Variants in TNC observed in about 807,000 individuals in gnomAD.
TNC encodes the protein tenascin C.
In TNC, 109 loss-of-function variants were observed where a neutral mutation model predicts 202.4. The observed-to-expected ratio is 0.54, with a 90% CI of 0.46 to 0.63. TNC has a LOEUF of 0.63. Among genes scored for constraint, TNC ranks in the 30% least tolerant of loss-of-function variants. TNC has a pLI of 0.00. For missense variants in TNC, 2,756 were observed against 2,833.3 expected (o/e 0.97, Z 0.62); for synonymous variants, 1,007 against 1,089.7 (o/e 0.92, Z 1.50).
chr9:115,076,719 G>T (rs2133158712), intron 7 of TNC, 144 bp from the exon 8 acceptor site: 1 of 921,580 alleles, frequency 1.1e-6, no homozygotes. Context: ...TCCCCATAGT[G>T]GATGTGCAAA....
chr9:115,081,552 G>T (rs944511), intron 6 of TNC, among the ~76,000 whole-genome samples: 458 of 152,324 alleles, frequency 3.0e-3, no homozygotes, highest in Non-Finnish European at 5.3e-3. Flanking sequence ...ACAGATACAT[G>T]AGGAGTGCAG....
Position 115,046,569 on chromosome 9 carries a change from C to A in TNC, c.4966G>T (p.Asp1656Tyr). 1.9e-6 allele frequency: 3 copies of A among 1,614,068 alleles called. No homozygotes were observed. Among genetic ancestry groups the A allele is most frequent in the Non-Finnish European group, 2.5e-6 (3 of 1,179,986 alleles). Residue 1656 changes from aspartate to tyrosine, a missense_variant, in exon 17 of 28, where the codon GAT (aspartate) becomes TAT (tyrosine). Physicochemically the swap from Asp to Tyr is radical, Grantham distance 160. Transcript: ENST00000350763. ...AGTGGCTCAGACTGCTTTTTGGTATCTCTGATTTTGAGAACAAAATTGTCG... is the reference window on the plus strand; with the variant it reads ...AGTGGCTCAGACTGCTTTTTGGTATATCTGATTTTGAGAACAAAATTGTCG... ...VFDNFVLKIRDTKKQSEPLEI... is the reference protein window; with the variant it reads ...VFDNFVLKIRYTKKQSEPLEI...
chr9:115,053,297 A>C lies in TNC; in HGVS notation c.4579+3856T>G, dbSNP rs924632196. 1.3e-4 allele frequency among the ~76,000 whole-genome samples: 20 copies of C among 152,234 alleles called. 3 individuals carry two copies. The South Asian group carries it at 3.1e-3, about 24-fold the overall frequency. The stretch of plus-strand genomic sequence containing the variant: ...ACCATTTGCTAGTCATGTATGAAGA[A>C]GAGTAGACAAGCCATTAGAGTGGTA... On this transcript the variant is annotated intron_variant, in intron 15 of 27. Coordinates refer to ENST00000350763, the MANE Select transcript of TNC (RefSeq NM_002160.4).
At chr9:115,115,964 C>A (rs1837432164) in intron 1 of TNC, among the ~76,000 whole-genome samples, 2 of 152,298 alleles carry the variant, frequency 1.3e-5, no homozygotes, top group Middle Eastern at 3.4e-3. Context: ...GAATATTAAT[C>A]TTGGACAAGT....
Position 115,087,224 on chromosome 9 carries a change from A to G in TNC, c.507T>C (p.Thr169=). ...PFCSGRGNFS[T]EGCGCVCEPG... ...GTTCGCAGACACAGCCACATCCTTCAGTGCTGAAGTTGCCCCGACCGCTAC... is the reference window on the plus strand; with the variant it reads ...GTTCGCAGACACAGCCACATCCTTCGGTGCTGAAGTTGCCCCGACCGCTAC... The change falls in exon 3 of 28, where the codon ACT becomes ACC. Residue 169 remains threonine (T), a synonymous_variant. Transcript: ENST00000350763. 2 of 1,614,200 alleles carry G rather than the reference A, an allele frequency of 1.2e-6. No homozygotes were observed. The highest frequency in any genetic ancestry group is 2.2e-5 in the East Asian group (1 of 44,876).
At chr9:115,054,355 A>G (rs1424016997) in intron 15 of TNC, among the ~76,000 whole-genome samples, 2 of 152,234 alleles carry the variant, frequency 1.3e-5, no homozygotes, top group African/African-American at 2.4e-5. Context: ...AATTAGTTTC[A>G]GAAGGTAACA....
At position 115,084,771 on chromosome 9, in the gene TNC, A is replaced by T. The variant is rs563801224; in HGVS notation, c.1868-299T>A. Among the ~76,000 whole-genome samples the T allele has an allele frequency of 1.6e-3, 241 of 152,242 alleles. 1 individual carries two copies. The highest frequency in any genetic ancestry group is 5.5e-3 in the African/African-American group (227 of 41,532). ...CTTAGCTCAGATGCAGGCTGTTGGC[A>T]TGGGAAAGTGCAGTCTGAGCCTCAC... On this transcript the variant is annotated intron_variant, in intron 3 of 27. Transcript: ENST00000350763.
At chr9:115,112,154 T>A (rs10982540) in intron 1 of TNC, among the ~76,000 whole-genome samples, 12,513 of 152,232 alleles carry the variant, frequency 0.082, 619 homozygotes, top group African/African-American at 0.12. Context: ...TAAAAGAATG[T>A]CTTAATTCTG....
At position 115,021,131 on chromosome 9, in the gene TNC, C is replaced by T. The variant is rs1441200289; in HGVS notation, c.*26G>A. ...CCTTTCCTCGCTCTGGGCCTTATTC[C>T]TCTCTCACCCAGTGGTCCCTGGAAT... On this transcript the variant is annotated 3_prime_UTR_variant, in exon 28 of 28. Transcript: ENST00000350763. 1.8e-5 allele frequency: 29 copies of T among 1,572,910 alleles called. No homozygotes were observed. Among genetic ancestry groups the T allele is most frequent in the South Asian group, 3.3e-5 (3 of 90,018 alleles).
intron 13 of TNC, among the ~76,000 whole-genome samples, chr9:115,060,496 G>A (rs1036815267): frequency 6.6e-5 from 10 of 152,170 alleles, no homozygotes; most frequent in South Asian, 2.1e-4. Flanking sequence ...ATGGGATTGC[G>A]TGATGATTAA....
In TNC at chr9:115,035,266, G is replaced by T; in HGVS notation, c.5725C>A (p.Pro1909Thr). The part of the protein sequence containing the change: ...QSETALLTWR[P>T]PRASVTGYLL... ...TAACCGGTGACTGATGCCCGGGGGG[G>T]TCGCCAGGTAAGGAGGGCAGTTTCC... The change falls in exon 22 of 28, where the codon CCC becomes ACC. Residue 1909 changes from proline to threonine, a missense_variant. Around this residue, in one of 2 missense-constraint regions of TNC, gnomAD observed 2,559 missense variants for 2,546.0 expected, o/e 1.01. Coordinates refer to ENST00000350763, the MANE Select transcript of TNC (RefSeq NM_002160.4). The T allele has an allele frequency of 1.2e-6, 2 of 1,613,416 alleles. No individual in the cohort carries two copies. Among genetic ancestry groups the T allele is most frequent in the East Asian group, 2.2e-5 (1 of 44,790 alleles).
intron 16 of TNC, among the ~76,000 whole-genome samples, 164 bp from the exon 17 acceptor site, chr9:115,046,846 C>T (rs893888588): frequency 6.6e-6 from 1 of 152,122 alleles, no homozygotes; most frequent in African/African-American, 2.4e-5. Flanking sequence ...ATTAACAAGT[C>T]CAGTAGAGTC....
intron 18 of TNC, among the ~76,000 whole-genome samples, chr9:115,041,312 GGGAA>G (rs1274674982): frequency 1.4e-5 from 2 of 145,820 alleles, no homozygotes; most frequent in Admixed American, 6.8e-5. Context: ...GGAGGGGCGG[GGGAA>G]AACATGAAGT....
At chr9:115,054,054 T>C (rs1409936618) in intron 15 of TNC, among the ~76,000 whole-genome samples, 1 of 152,162 alleles carries the variant, frequency 6.6e-6, no homozygotes, top group Non-Finnish European at 1.5e-5. Flanking sequence ...AAACTAATTT[T>C]AAAGTAAGTG....
chr9:115,035,916 A>C lies in TNC; in HGVS notation c.5656+182T>G, dbSNP rs1171902807. ...ACCAAGGTCATTTCAGTTCAAAAGG[A>C]AATAGTGTGTTTCTTCAGGCCTTGA... On this transcript the variant is annotated intron_variant, in intron 21 of 27. Transcript: ENST00000350763. 3.1e-5 allele frequency: 21 copies of C among 679,706 alleles called. No homozygotes were observed. In the South Asian group the frequency reaches 3.6e-4, roughly 12 times the overall value. The allele number at this position is 679,706 out of a possible 1,614,324, so 42.1% of individuals were successfully genotyped here.
At position 115,025,459 on chromosome 9, in the gene TNC, C is replaced by T. The variant is rs80335939; in HGVS notation, c.6331+1075G>A. On this transcript the variant is annotated intron_variant, in intron 26 of 27. Transcript: ENST00000350763. ...TTTCAGGGCTCAGGGAGGCTGGAAA[C>T]GTGCCAAGCTTCTATCTCTTCTGCT... is the stretch of plus-strand genomic sequence containing the variant. 3.2e-4 allele frequency among the ~76,000 whole-genome samples: 49 copies of T among 152,268 alleles called. No homozygotes were observed. The East Asian group carries it at 8.1e-3, about 25-fold the overall frequency.
At chr9:115,036,002 TAAGA>T in intron 21 of TNC, 92 bp downstream of exon 21, 2 of 1,481,114 alleles carry the variant, frequency 1.4e-6, no homozygotes, top group East Asian at 4.5e-5. Context: ...GGCCCTGACT[TAAGA>T]AAGAAGAACT....
At chr9:115,060,954 G>T (rs1832496853) in intron 13 of TNC, among the ~76,000 whole-genome samples, 1 of 152,174 alleles carries the variant, frequency 6.6e-6, no homozygotes, top group African/African-American at 2.4e-5. Flanking sequence ...GTGCAGAACA[G>T]AACCCACTAT....
At chr9:115,023,838 G>A in intron 27 of TNC, 135 bp downstream of exon 27, 1 of 1,060,488 alleles carries the variant, frequency 9.4e-7, no homozygotes, top group South Asian at 1.6e-5. Flanking sequence ...TCACTGCCTT[G>A]GGAAAAACAT....
Sources: allele counts gnomAD v4.1 joint callset (sites outside exome capture counted in the v4.1 genomes callset), GRCh38; gene constraint gnomAD v4.1.1; regional missense constraint gnomAD v4.1.1; transcripts MANE v1.5; gene names NCBI Gene and HGNC (gene_info 2026-07-23, HGNC 2026-07-21).